The following PIEZO2 variants were observed in gnomAD, a reference collection of about 807,000 sequenced individuals.
The protein encoded by PIEZO2 is piezo type mechanosensitive ion channel component 2, also known as piezo-type mechanosensitive ion channel component 2.
PIEZO2 carries 172 observed loss-of-function variants against 337.3 expected under a neutral mutation model. That is an observed-to-expected ratio of 0.51 (90% confidence interval 0.45 to 0.58). PIEZO2 has a LOEUF of 0.58. PIEZO2 is among the 20% of genes least tolerant of loss of function. PIEZO2 has a pLI of 0.00. For missense variants in PIEZO2, 3,028 were observed against 3,391.3 expected (o/e 0.89, Z 2.66); for synonymous variants, 1,251 against 1,228.5 (o/e 1.02, Z -0.38).
At chr18:10,731,623 C>T (rs2036791844) in intron 35 of PIEZO2, 102 bp from the exon 36 acceptor site, 1 of 658,506 alleles carries the variant, frequency 1.5e-6, no homozygotes, top group Admixed American at 4.1e-5. Flanking sequence ...TTCCTCCCAA[C>T]ACAAACTAAA....
At position 10,769,287 on chromosome 18, in the gene PIEZO2, TTC is replaced by T. The variant is rs371015103; in HGVS notation, c.2946+859_2946+860del. Among the ~76,000 whole-genome samples, 1,027 of 152,342 alleles carry T rather than the reference TTC, an allele frequency of 6.7e-3. 9 individuals carry two copies. The highest frequency in any genetic ancestry group is 0.024 in the African/African-American group (990 of 41,572). The stretch of plus-strand genomic sequence containing the variant: ...CCACGAATCTCGCAGATAGAATGGC[TTC>T]TGTTTTCATTCCCACTTGGCAATGA... On this transcript the variant is annotated intron_variant, in intron 21 of 55. Coordinates refer to ENST00000674853, the MANE Select transcript of PIEZO2 (RefSeq NM_001378183.1).
intron 7 of PIEZO2, among the ~76,000 whole-genome samples, chr18:10,817,929 A>G: frequency 6.6e-6 from 1 of 152,096 alleles, no homozygotes; most frequent in East Asian, 1.9e-4. Flanking sequence ...TCAAAAAAAA[A>G]AAAAAAAAAG....
chr18:10,944,801 A>G lies in PIEZO2; in HGVS notation c.287-33573T>C, dbSNP rs549432258. Among the ~76,000 whole-genome samples, 4 of 152,278 alleles carry G rather than the reference A, an allele frequency of 2.6e-5. No homozygotes were observed. In the South Asian group the frequency reaches 8.3e-4, roughly 32 times the overall value. On this transcript the variant is annotated intron_variant, in intron 3 of 55. Coordinates refer to ENST00000674853, the MANE Select transcript of PIEZO2 (RefSeq NM_001378183.1). ...AGAGACAACCAAAAGCAAAACAAAT[A>G]AAAGCATATCAAAGACAAATTTATG... is the stretch of plus-strand genomic sequence containing the variant.
intron 4 of PIEZO2, among the ~76,000 whole-genome samples, chr18:10,891,586 C>T (rs1490562236): frequency 2.6e-5 from 4 of 152,320 alleles, no homozygotes; most frequent in Non-Finnish European, 5.9e-5. Context: ...TTCGCACTCA[C>T]AGGAATGGTC....
intron 49 of PIEZO2, among the ~76,000 whole-genome samples, chr18:10,686,057 G>A (rs1241910477): frequency 5.9e-5 from 9 of 152,094 alleles, no homozygotes; most frequent in African/African-American, 1.7e-4. Context: ...CTCCAGAGAG[G>A]TCCAAACACT....
At chr18:11,071,132 A>G (rs1175471159) in intron 1 of PIEZO2, among the ~76,000 whole-genome samples, 2 of 152,220 alleles carry the variant, frequency 1.3e-5, no homozygotes, top group African/African-American at 2.4e-5. Flanking sequence ...TTTTATCCCA[A>G]AGGAGTCATG....
intron 32 of PIEZO2, among the ~76,000 whole-genome samples, chr18:10,741,882 G>A (rs576414933): frequency 2.6e-5 from 4 of 152,172 alleles, no homozygotes; most frequent in African/African-American, 7.2e-5. Context: ...GGCTGGGCTC[G>A]GTGGCTCACG....
In PIEZO2 at chr18:11,104,839, A is replaced by G. The variant is rs921280376; in HGVS notation, c.65-38617T>C. Among the ~76,000 whole-genome samples the G allele has an allele frequency of 6.6e-6, 1 of 152,174 alleles. No homozygotes were observed. Among genetic ancestry groups the G allele is most frequent in the African/African-American group, 2.4e-5 (1 of 41,450 alleles). On this transcript the variant is annotated intron_variant, in intron 1 of 55. Transcript: ENST00000674853. This position sits in a 1 kb window ranked among gnomAD's most constrained non-coding sequence, Gnocchi z 4.6. ...TCCTCCATCATGCTTGATATGGTCC[A>G]GGAGTGGTTGAACCACTCCAGTCCT...
In PIEZO2 at chr18:10,973,658, C is replaced by T. The variant is rs936774299; in HGVS notation, c.286+5877G>A. 6.6e-6 allele frequency among the ~76,000 whole-genome samples: 1 copy of T among 151,966 alleles called. No homozygotes were observed. Among genetic ancestry groups the T allele is most frequent in the African/African-American group, 2.4e-5 (1 of 41,370 alleles). On this transcript the variant is annotated intron_variant, in intron 3 of 55. Transcript: ENST00000674853. This position sits in a 1 kb window ranked among gnomAD's most constrained non-coding sequence, Gnocchi z 4.9. ...CAACATCTGCTTTCAGGAAGCTGGC[C>T]CGAGGAGAGAAGAAGGCTGTGTGTT... is the stretch of plus-strand genomic sequence containing the variant.
chr18:10,724,562 A>G lies in PIEZO2; in HGVS notation c.5030-6303T>C. On this transcript the variant is annotated intron_variant, in intron 36 of 55. Coordinates refer to ENST00000674853, the MANE Select transcript of PIEZO2 (RefSeq NM_001378183.1). The surrounding 1 kb of genome is among the most constrained non-coding windows in gnomAD (Gnocchi z 5.8). The stretch of plus-strand genomic sequence containing the variant: ...TCCACATACCCTTCTGTGTCCCCAG[A>G]AGTCGACAGTGTGGGGAGTTGGAGT... 1 of 555,730 alleles carries G rather than the reference A, an allele frequency of 1.8e-6. No individual in the cohort carries two copies. 34.4% of individuals were successfully genotyped at this position (555,730 alleles called of 1,614,324 possible). A position where few individuals can be genotyped will look rare whatever the true frequency, so the allele number is the denominator to read the frequency against.
At chr18:11,012,382 C>A (rs1053264173) in intron 2 of PIEZO2, among the ~76,000 whole-genome samples, 6 of 152,210 alleles carry the variant, frequency 3.9e-5, no homozygotes, top group Admixed American at 2.0e-4. Context: ...ACACTTAGAG[C>A]AGTTTAATGT....
chr18:10,918,000 A>G (rs2031117506), intron 3 of PIEZO2, among the ~76,000 whole-genome samples: 1 of 152,226 alleles, frequency 6.6e-6, no homozygotes, highest in African/African-American at 2.4e-5. Context: ...TAAGAGAAAA[A>G]TAGATTTTTC....
At chr18:10,753,197 T>C (rs961925814) in intron 27 of PIEZO2, among the ~76,000 whole-genome samples, 2 of 152,250 alleles carry the variant, frequency 1.3e-5, no homozygotes, top group African/African-American at 4.8e-5. Context: ...AATAATTGTA[T>C]GGCAAAAGAA....
At chr18:10,792,789 A>G (rs536833952) in intron 13 of PIEZO2, among the ~76,000 whole-genome samples, 1 of 152,294 alleles carries the variant, frequency 6.6e-6, no homozygotes, top group East Asian at 1.9e-4. Context: ...GGGTAAATGA[A>G]CCTAGGACTG....
intron 20 of PIEZO2, among the ~76,000 whole-genome samples, chr18:10,772,398 T>C (rs181571355): frequency 6.6e-6 from 1 of 152,324 alleles, no homozygotes; most frequent in East Asian, 1.9e-4. Context: ...TCAAAATCCA[T>C]CTTGAAGTAG....
intron 2 of PIEZO2, among the ~76,000 whole-genome samples, chr18:10,984,622 A>C (rs1034087751): frequency 6.6e-6 from 1 of 152,144 alleles, no homozygotes; most frequent in Non-Finnish European, 1.5e-5. Context: ...ACCCATATAA[A>C]CACTGGTGTT....
Position 10,705,464 on chromosome 18 carries a change from C to G in PIEZO2, c.5871G>C (p.Ser1957=). The change falls in exon 41 of 56, where the codon TCG becomes TCC. Residue 1957 remains serine (S), a synonymous_variant. Transcript: ENST00000674853. ...AVSFEHLSFG[S]QDDSAGKNRM... ...GGTTCTTGCCTGCAGAGTCGTCCTG[C>G]GAGCCGAAGGACAGATGCTCGAAGC... 1 of 1,537,214 alleles carries G rather than the reference C, an allele frequency of 6.5e-7. No individual in the cohort carries two copies. The highest frequency in any genetic ancestry group is 8.7e-7 in the Non-Finnish European group (1 of 1,146,910).
rs1456244756 is a variant in PIEZO2 at position 11,132,499 on chromosome 18, A to G, written c.64+16026T>C. 6.6e-6 allele frequency among the ~76,000 whole-genome samples: 1 copy of G among 152,108 alleles called. No individual in the cohort carries two copies. The highest frequency in any genetic ancestry group is 1.5e-5 in the Non-Finnish European group (1 of 68,022). ...TGTATGCTCTGAATCAACATCCAAT[A>G]TATGGTACTGTTTCTCTCATAGCCA... On this transcript the variant is annotated intron_variant, in intron 1 of 55. Coordinates refer to ENST00000674853, the MANE Select transcript of PIEZO2 (RefSeq NM_001378183.1). The surrounding 1 kb of genome is among the most constrained non-coding windows in gnomAD (Gnocchi z 4.7).
rs934010727 is a variant in PIEZO2 at position 11,104,847 on chromosome 18, T to C, written c.65-38625A>G. ...CATGCTTGATATGGTCCAGGAGTGG[T>C]TGAACCACTCCAGTCCTAGGTGTGA... On this transcript the variant is annotated intron_variant, in intron 1 of 55. Transcript: ENST00000674853. The surrounding 1 kb of genome is among the most constrained non-coding windows in gnomAD (Gnocchi z 4.6). 1.3e-5 allele frequency among the ~76,000 whole-genome samples: 2 copies of C among 152,080 alleles called. No individual in the cohort carries two copies. Among genetic ancestry groups the C allele is most frequent in the Non-Finnish European group, 2.9e-5 (2 of 68,000 alleles).
Sources: gnomAD v4.1 joint callset for allele counts (sites outside exome capture counted in the v4.1 genomes callset) on GRCh38, gnomAD v4.1.1 for gene constraint, Gnocchi (gnomAD v3.1) non-coding constraint, MANE v1.5 for transcripts, NCBI Gene and HGNC (gene_info 2026-07-23, HGNC 2026-07-21) for gene names.